Variants in ERO1A observed in about 807,000 individuals in gnomAD.
ERO1A encodes ERO1-like protein alpha.
A neutral mutation model predicts 76.9 loss-of-function variants in ERO1A; 49 were observed. The observed-to-expected ratio is 0.64, with a 90% CI of 0.51 to 0.81. The LOEUF (loss-of-function observed/expected upper bound fraction) is 0.81, where lower values mean the gene tolerates loss of function less well. ERO1A is among the 30% of genes least tolerant of loss of function. The probability of loss-of-function intolerance (pLI) is 0.00; values close to 1 mark genes in which losing one functional copy is unlikely to be tolerated. For missense variants in ERO1A, 448 were observed against 542.1 expected (o/e 0.83, Z 1.72); for synonymous variants, 174 against 181.2 (o/e 0.96, Z 0.32).
intron 7 of ERO1A, among the ~76,000 whole-genome samples, chr14:52,666,063 C>T (rs972247148): frequency 6.6e-6 from 1 of 152,142 alleles, no homozygotes; most frequent in African/African-American, 2.4e-5. Flanking sequence ...ACTGTGTGAT[C>T]TTGGGAAATG....
chr14:52,684,044 T>C (rs940252451), intron 1 of ERO1A, 137 bp from the exon 2 acceptor site: 2 of 578,402 alleles, frequency 3.5e-6, no homozygotes, highest in Admixed American at 3.3e-5. Context: ...TTTCTTGAGA[T>C]GGGGTATGAC....
intron 6 of ERO1A, among the ~76,000 whole-genome samples, chr14:52,667,727 A>G (rs989899907): frequency 1.2e-4 from 19 of 152,150 alleles, no homozygotes; most frequent in African/African-American, 4.6e-4. Context: ...GTCTCAAAAA[A>G]AGATGGGCCA....
chr14:52,643,536 T>C lies in ERO1A; in HGVS notation c.*34A>G. ...TGAAATTCCACTCTTTCGCCTCCATTGTCCAGAAACAGGCACATATCAGCT... is the reference window on the plus strand; with the variant it reads ...TGAAATTCCACTCTTTCGCCTCCATCGTCCAGAAACAGGCACATATCAGCT... On this transcript the variant is annotated 3_prime_UTR_variant, in exon 16 of 16. Coordinates refer to ENST00000395686, the MANE Select transcript of ERO1A (RefSeq NM_014584.3). 1.4e-6 allele frequency: 2 copies of C among 1,396,528 alleles called. No individual in the cohort carries two copies. Among genetic ancestry groups the C allele is most frequent in the African/African-American group, 3.0e-5 (2 of 65,766 alleles). 86.5% of individuals were successfully genotyped at this position (1,396,528 alleles called of 1,614,324 possible).
chr14:52,671,788 A>C lies in ERO1A; in HGVS notation c.434+7T>G, dbSNP rs1473828757. The C allele has an allele frequency of 6.2e-7, 1 of 1,602,460 alleles. No individual in the cohort carries two copies. The highest frequency in any genetic ancestry group is 1.7e-5 in the Admixed American group (1 of 58,920). ...ACATGAAATACTGCTGAAAAATAAA[A>C]TCAAACCTCAGAGATTCATCCACTG... On this transcript the variant is annotated splice_region_variant and intron_variant, in intron 5 of 15. Coordinates refer to ENST00000395686, the MANE Select transcript of ERO1A (RefSeq NM_014584.3).
intron 15 of ERO1A, 28 bp downstream of exon 15, chr14:52,646,126 A>G: frequency 1.3e-6 from 2 of 1,588,988 alleles, no homozygotes; most frequent in Non-Finnish European, 1.7e-6. Context: ...CTTGGCTACC[A>G]GAAGCATTTC....
chr14:52,652,438 A>G (rs1378519501), intron 12 of ERO1A, 130 bp from the exon 13 acceptor site: 1 of 587,400 alleles, frequency 1.7e-6, no homozygotes, highest in Non-Finnish European at 3.1e-6. Flanking sequence ...CCGATGCCCC[A>G]AATCAAATTC....
chr14:52,656,545 T>A (rs1047762530), intron 11 of ERO1A, among the ~76,000 whole-genome samples: 5 of 151,750 alleles, frequency 3.3e-5, no homozygotes, highest in African/African-American at 1.2e-4. Context: ...ACCCCGTCTC[T>A]ACTAAAAATA....
At chr14:52,678,847 T>C (rs561770236) in intron 3 of ERO1A, among the ~76,000 whole-genome samples, 91 of 152,284 alleles carry the variant, frequency 6.0e-4, no homozygotes, top group Non-Finnish European at 7.4e-5. Context: ...TTGTTTTTGT[T>C]TTCTGTGATG....
At position 52,641,463 on chromosome 14, in the gene ERO1A, A is replaced by AT. The variant is rs1423046843; in HGVS notation, c.*2106_*2107insA. On this transcript the variant is annotated 3_prime_UTR_variant, in exon 16 of 16. Coordinates refer to ENST00000395686, the MANE Select transcript of ERO1A (RefSeq NM_014584.3). ...AAAAATACAAAAAAAAAAAAAAAAAAATTAGCCGGGCGTGGTGGCGGGCGC... is the reference window on the plus strand; with the variant it reads ...AAAAATACAAAAAAAAAAAAAAAAAATATTAGCCGGGCGTGGTGGCGGGCGC... 1 of 151,520 alleles carries AT rather than the reference A, an allele frequency of 6.6e-6. No individual in the cohort carries two copies. The highest frequency in any genetic ancestry group is 6.7e-5 in the Admixed American group (1 of 14,992). The allele number at this position is 151,520 out of a possible 1,614,324, so 9.4% of individuals were successfully genotyped here.
At chr14:52,646,672 T>C (rs1300998367) in intron 13 of ERO1A, 1 of 442,030 alleles carries the variant, frequency 2.3e-6, no homozygotes, top group African/African-American at 2.0e-5. Flanking sequence ...TAGTTATTAT[T>C]ATAATCTACA....
chr14:52,647,186 G>A (rs1430000102), intron 13 of ERO1A: 2 of 113,926 alleles, frequency 1.8e-5, no homozygotes, highest in African/African-American at 4.1e-5. Context: ...TTTTTTAGTA[G>A]AGGCAGGGTT....
In ERO1A at chr14:52,646,356, A is replaced by T; in HGVS notation, c.1212+19T>A. The T allele has an allele frequency of 6.2e-7, 1 of 1,607,108 alleles. No homozygotes were observed. Among genetic ancestry groups the T allele is most frequent in the Non-Finnish European group, 8.5e-7 (1 of 1,177,402 alleles). On this transcript the variant is annotated intron_variant, in intron 14 of 15. Transcript: ENST00000395686. Reference sequence around the variant, plus strand: ...ATGCAAAGGGTAAATGAGAAATAGGAATGACTAAATTTGCTTACCTGAAGC... The same window carrying T: ...ATGCAAAGGGTAAATGAGAAATAGGTATGACTAAATTTGCTTACCTGAAGC...
In ERO1A at chr14:52,640,089, ATAT is replaced by A. The variant is rs2039421636; in HGVS notation, c.*3478_*3480del. The A allele has an allele frequency of 6.6e-6, 1 of 152,236 alleles. No individual in the cohort carries two copies. Among genetic ancestry groups the A allele is most frequent in the Non-Finnish European group, 1.5e-5 (1 of 68,044 alleles). 9.4% of individuals were successfully genotyped at this position (152,236 alleles called of 1,614,324 possible). On this transcript the variant is annotated 3_prime_UTR_variant, in exon 16 of 16. Transcript: ENST00000395686. Reference sequence around the variant, plus strand: ...TTCAACAAACATTTATTAAACATTCATATGCCAAAAACTATGCTATGGAGATGC... The same window carrying A: ...TTCAACAAACATTTATTAAACATTCAGCCAAAAACTATGCTATGGAGATGC...
chr14:52,695,495 G>C lies in ERO1A; in HGVS notation c.-14C>G. The C allele has an allele frequency of 6.7e-7, 1 of 1,483,390 alleles. No homozygotes were observed. Among genetic ancestry groups the C allele is most frequent in the Non-Finnish European group, 9.0e-7 (1 of 1,109,764 alleles). The allele number at this position is 1,483,390 out of a possible 1,614,324, so 91.9% of individuals were successfully genotyped here. ...GCCGCGGCCCATTGCAGCTCCGGCAGCTTGTCGCCCCACGCTTGGGAGGCC... is the reference window on the plus strand; with the variant it reads ...GCCGCGGCCCATTGCAGCTCCGGCACCTTGTCGCCCCACGCTTGGGAGGCC... On this transcript the variant is annotated 5_prime_UTR_variant, in exon 1 of 16. Coordinates refer to ENST00000395686, the MANE Select transcript of ERO1A (RefSeq NM_014584.3).
At chr14:52,658,702 T>C (rs1451830526) in intron 9 of ERO1A, among the ~76,000 whole-genome samples, 1 of 152,186 alleles carries the variant, frequency 6.6e-6, no homozygotes, top group Non-Finnish European at 1.5e-5. Context: ...ATATATTTAA[T>C]GCCTAGTAAT....
intron 7 of ERO1A, 145 bp downstream of exon 7, chr14:52,666,230 G>C: frequency 1.5e-6 from 1 of 654,892 alleles, no homozygotes; most frequent in South Asian, 2.2e-5. Context: ...AAGGAAACTG[G>C]ATTAATGAAT....
At chr14:52,675,984 C>G (rs1271474787) in intron 4 of ERO1A, among the ~76,000 whole-genome samples, 1 of 152,196 alleles carries the variant, frequency 6.6e-6, no homozygotes, top group Non-Finnish European at 1.5e-5. Flanking sequence ...CATGTCCATC[C>G]TTGCTAAACC....
At position 52,647,647 on chromosome 14, in the gene ERO1A, A is replaced by G. The variant is rs148775119; in HGVS notation, c.1126-1186T>C. 3.3e-3 allele frequency among the ~76,000 whole-genome samples: 502 copies of G among 152,260 alleles called. 5 individuals are homozygous for G. The highest frequency in any genetic ancestry group is 0.012 in the African/African-American group (484 of 41,548). On this transcript the variant is annotated intron_variant, in intron 13 of 15. Transcript: ENST00000395686. ...GGCGACATGCATCCAGCTAATCTAA[A>G]CATAGTATATGTCCTTAAGGAATAT...
intron 13 of ERO1A, among the ~76,000 whole-genome samples, chr14:52,650,455 A>G (rs1199519541): frequency 1.3e-5 from 2 of 150,648 alleles, no homozygotes; most frequent in East Asian, 3.9e-4. Context: ...TGACCAGATG[A>G]CATCCAGGCA....
Sources: gnomAD v4.1 joint callset for allele counts (sites outside exome capture counted in the v4.1 genomes callset) on GRCh38, gnomAD v4.1.1 for gene constraint, MANE v1.5 for transcripts, NCBI Gene and HGNC (gene_info 2026-07-23, HGNC 2026-07-21) for gene names.